The following WFS1 variants were observed in gnomAD, a reference collection of about 807,000 sequenced individuals.
WFS1 encodes the protein wolframin ER transmembrane glycoprotein, also known as wolframin.
In WFS1, 90 loss-of-function variants were observed where a neutral mutation model predicts 68.5. The ratio of observed to expected loss-of-function variants is 1.31; its 90% CI spans 1.11 to 1.56. The LOEUF (loss-of-function observed/expected upper bound fraction) is 1.56, where lower values mean the gene tolerates loss of function less well. Ranked by LOEUF, WFS1 falls within the 40% of genes most tolerant of loss-of-function variation. The pLI is 0.00. For missense variants in WFS1, 1,767 were observed against 1,232.6 expected, an observed-to-expected ratio of 1.43 and a Z score of -6.49; for synonymous variants, 860 against 540.7, an observed-to-expected ratio of 1.59 and a Z score of -8.19.
At position 6,301,047 on chromosome 4, in the gene WFS1, T is replaced by TCCTTCC; in HGVS notation, c.1255_1260dup (p.Phe419_Pro420dup). The TCCTTCC allele has an allele frequency of 6.2e-7, 1 of 1,614,112 alleles. No homozygotes were observed. The highest frequency in any genetic ancestry group is 1.1e-5 in the South Asian group (1 of 91,076). On this transcript the variant is annotated inframe_insertion, in exon 8 of 8. Transcript: ENST00000226760. Reference sequence around the variant, plus strand: ...GCTCTCTGTCTTCTTCGTCATCTTCTCCTTCCCCATCGCCAGCAAGGACTG... The same window carrying TCCTTCC: ...GCTCTCTGTCTTCTTCGTCATCTTCTCCTTCCCCTTCCCCATCGCCAGCAAGGACTG...
At chr4:6,299,165 G>GCAGGGCT (rs1314766535) in intron 7 of WFS1, among the ~76,000 whole-genome samples, 1 of 152,226 alleles carries the variant, frequency 6.6e-6, no homozygotes, top group African/African-American at 2.4e-5. Context: ...CTGTGTTCTG[G>GCAGGGCT]CAGGGCTCAG....
chr4:6,302,592 G>A lies in WFS1; in HGVS notation c.*124G>A, dbSNP rs1299929607. Reference sequence around the variant, plus strand: ...CACGTGTGCAGACTGTGGCTGCAGAGACCTTGCGACCATGTGTAGATTGCG... The same window carrying A: ...CACGTGTGCAGACTGTGGCTGCAGAAACCTTGCGACCATGTGTAGATTGCG... On this transcript the variant is annotated 3_prime_UTR_variant, in exon 8 of 8. Coordinates refer to ENST00000226760, the MANE Select transcript of WFS1 (RefSeq NM_006005.3). 2.6e-5 allele frequency: 36 copies of A among 1,403,988 alleles called. No homozygotes were observed. The highest frequency in any genetic ancestry group is 1.1e-4 in the South Asian group (8 of 75,658). The allele number at this position is 1,403,988 out of a possible 1,614,324, so 87.0% of individuals were successfully genotyped here.
chr4:6,273,661 A>T (rs1445316997), intron 1 of WFS1, among the ~76,000 whole-genome samples: 1 of 152,254 alleles, frequency 6.6e-6, no homozygotes, highest in Non-Finnish European at 1.5e-5. Context: ...CAGGGCTCAC[A>T]GTGGCTGTAA....
At position 6,277,673 on chromosome 4, in the gene WFS1, G is replaced by A. The variant is rs1730039692; in HGVS notation, c.218G>A (p.Arg73Lys). 6.4e-7 allele frequency: 1 copy of A among 1,561,960 alleles called. No homozygotes were observed. The change falls in exon 2 of 8, where the codon AGA becomes AAA. Residue 73 changes from arginine (R) to lysine (K), a missense_variant. Coordinates refer to ENST00000226760, the MANE Select transcript of WFS1 (RefSeq NM_006005.3). The stretch of plus-strand genomic sequence containing the variant: ...GCCCAGCATACCAGGAGCCGGGAAA[G>A]AGCAGACGGCACCGGTAAGGGAGCA... ...PQAQHTRSRE[R>K]ADGTGPTKGD...
intron 4 of WFS1, among the ~76,000 whole-genome samples, chr4:6,289,406 C>G (rs1286934297): frequency 2.0e-5 from 3 of 152,226 alleles, no homozygotes; most frequent in African/African-American, 4.8e-5. Flanking sequence ...GGTTCTGATC[C>G]AAACTGAGAC....
chr4:6,271,690 C>T (rs1416917577), intron 1 of WFS1, among the ~76,000 whole-genome samples: 1 of 152,160 alleles, frequency 6.6e-6, no homozygotes, highest in African/African-American at 2.4e-5. Context: ...GAGCCTCACT[C>T]GGATGCCTGC....
Position 6,302,795 on chromosome 4 carries a change from C to G in WFS1, c.*327C>G. On this transcript the variant is annotated 3_prime_UTR_variant, in exon 8 of 8. Transcript: ENST00000226760. ...GCACTTTACAGATGAGATTCCCTCT[C>G]CTCCCCCACCTTCAAGCACCCTGTT... 2 of 442,362 alleles carry G rather than the reference C, an allele frequency of 4.5e-6. No individual in the cohort carries two copies. Among genetic ancestry groups the G allele is most frequent in the Non-Finnish European group, 8.1e-6 (2 of 246,576 alleles). 27.4% of individuals were successfully genotyped at this position (442,362 alleles called of 1,614,324 possible). A position where few individuals can be genotyped will look rare whatever the true frequency, so the allele number is the denominator to read the frequency against.
chr4:6,274,116 G>A (rs1033193073), intron 1 of WFS1, among the ~76,000 whole-genome samples: 10 of 151,336 alleles, frequency 6.6e-5, no homozygotes, highest in African/African-American at 1.2e-4. Context: ...GCGCGATCTC[G>A]GCTCACTGCA....
Position 6,301,502 on chromosome 4 carries a change from C to G in WFS1, c.1707C>G (p.Ala569=). Residue 569 remains alanine, a synonymous_variant, in exon 8 of 8, where the codon GCC becomes GCG. Coordinates refer to ENST00000226760, the MANE Select transcript of WFS1 (RefSeq NM_006005.3). ...ASIGYFLFLF[A]LPILVAGLAL... The stretch of plus-strand genomic sequence containing the variant: ...TCGGCTACTTCCTCTTCCTCTTTGC[C>G]CTCCCCATCCTGGTGGCCGGCCTGG... 1.2e-6 allele frequency: 2 copies of G among 1,613,550 alleles called. No homozygotes were observed. The highest frequency in any genetic ancestry group is 1.3e-5 in the African/African-American group (1 of 75,058).
intron 2 of WFS1, among the ~76,000 whole-genome samples, chr4:6,284,414 G>A (rs911675416): frequency 6.6e-6 from 1 of 152,208 alleles, no homozygotes; most frequent in South Asian, 2.1e-4. Context: ...TCTGTATATC[G>A]GGGAGATGTC....
At position 6,301,532 on chromosome 4, in the gene WFS1, G is replaced by A. The variant is rs150970403; in HGVS notation, c.1737G>A (p.Leu579=). ...ALPILVAGLA[L]VGVLQFARWF... ...CCATCCTGGTGGCCGGCCTGGCCCTGGTGGGCGTGCTGCAGTTCGCCCGGT... is the reference window on the plus strand; with the variant it reads ...CCATCCTGGTGGCCGGCCTGGCCCTAGTGGGCGTGCTGCAGTTCGCCCGGT... The change falls in exon 8 of 8, where the codon CTG becomes CTA. Residue 579 remains leucine (L), a synonymous_variant. Transcript: ENST00000226760. 2.7e-5 allele frequency: 43 copies of A among 1,613,974 alleles called. No homozygotes were observed. The African/African-American group carries it at 4.3e-4, about 16-fold the overall frequency.
intron 7 of WFS1, among the ~76,000 whole-genome samples, chr4:6,298,558 G>C (rs764631100): frequency 6.6e-6 from 1 of 152,252 alleles, no homozygotes; most frequent in Non-Finnish European, 1.5e-5. Flanking sequence ...TCCCCCACGT[G>C]TAGACGTGCA....
rs1441543204 is a variant in WFS1 at position 6,302,324 on chromosome 4, G to A, written c.2529G>A (p.Lys843=). The change falls in exon 8 of 8, where the codon AAG becomes AAA. Residue 843 remains lysine (K), a synonymous_variant. Transcript: ENST00000226760. ...LGSKWPVFEL[K]AISCLNCMAQ... ...GCAAGTGGCCTGTCTTCGAGCTCAA[G>A]GCCATCAGCTGCCTCAACTGCATGG... 16 of 1,612,060 alleles carry A rather than the reference G, an allele frequency of 9.9e-6. No individual in the cohort carries two copies. The East Asian group carries it at 3.1e-4, about 31-fold the overall frequency.
Position 6,269,932 on chromosome 4 carries a change from G to T in WFS1, c.-88G>T, listed in dbSNP as rs1475192301. ...GCCGCAGATCTCCCGTTTGCGCCGC[G>T]TTCAGCTGCTCCCGAACAACTTTTC... On this transcript the variant is annotated 5_prime_UTR_variant, in exon 1 of 8. Coordinates refer to ENST00000226760, the MANE Select transcript of WFS1 (RefSeq NM_006005.3). The T allele has an allele frequency of 6.6e-6, 1 of 152,208 alleles. No individual in the cohort carries two copies. Among genetic ancestry groups the T allele is most frequent in the Non-Finnish European group, 1.5e-5 (1 of 68,034 alleles). 9.4% of individuals were successfully genotyped at this position (152,208 alleles called of 1,614,324 possible).
In WFS1 at chr4:6,287,709, A is replaced by G. The variant is rs1327449093; in HGVS notation, c.315+534A>G. Among the ~76,000 whole-genome samples the G allele has an allele frequency of 6.6e-6, 1 of 152,110 alleles. No homozygotes were observed. The highest frequency in any genetic ancestry group is 1.5e-5 in the Non-Finnish European group (1 of 68,028). Reference sequence around the variant, plus strand: ...AAACCCAAGTAGACAAGACACAGAAATACAGTGATTTTGAATTCTGGTGAG... The same window carrying G: ...AAACCCAAGTAGACAAGACACAGAAGTACAGTGATTTTGAATTCTGGTGAG... On this transcript the variant is annotated intron_variant, in intron 3 of 7. Coordinates refer to ENST00000226760, the MANE Select transcript of WFS1 (RefSeq NM_006005.3). The surrounding 1 kb of genome is among the most constrained non-coding windows in gnomAD (Gnocchi z 6.4).
chr4:6,297,936 C>T (rs1039963900), intron 7 of WFS1, among the ~76,000 whole-genome samples: 1 of 152,168 alleles, frequency 6.6e-6, no homozygotes, highest in Non-Finnish European at 1.5e-5. Flanking sequence ...CCCCTCCACA[C>T]TGTCCAAGCA....
chr4:6,300,528 G>A (rs1730840169), intron 7 of WFS1, 129 bp from the exon 8 acceptor site: 2 of 1,396,946 alleles, frequency 1.4e-6, no homozygotes, highest in Non-Finnish European at 2.0e-6. Context: ...CTAGGATGGG[G>A]CTGGTGATGG....
intron 2 of WFS1, among the ~76,000 whole-genome samples, chr4:6,284,899 G>T (rs551100162): frequency 2.0e-5 from 3 of 150,736 alleles, no homozygotes; most frequent in African/African-American, 7.3e-5. Flanking sequence ...GTGCCTGCAG[G>T]CTCTGTGTCT....
At chr4:6,274,972 G>A (rs1481709617) in intron 1 of WFS1, among the ~76,000 whole-genome samples, 1 of 152,176 alleles carries the variant, frequency 6.6e-6, no homozygotes, top group African/African-American at 2.4e-5. Context: ...CCTGCACCTG[G>A]GTTCCTGTCT....
Sources: allele counts gnomAD v4.1 joint callset (sites outside exome capture counted in the v4.1 genomes callset), GRCh38; gene constraint gnomAD v4.1.1; non-coding constraint Gnocchi (gnomAD v3.1); transcripts MANE v1.5; gene names NCBI Gene and HGNC (gene_info 2026-07-23, HGNC 2026-07-21).